METAP1: variants seen among roughly 807,000 people sequenced by gnomAD.
The protein encoded by METAP1 is methionine aminopeptidase 1.
METAP1 carries 28 observed loss-of-function variants against 53.8 expected under a neutral mutation model. The observed-to-expected ratio is 0.52, with a 90% CI of 0.39 to 0.71. The LOEUF (loss-of-function observed/expected upper bound fraction) is 0.71. Ranked by LOEUF, METAP1 falls within the 30% of genes least tolerant of loss-of-function variation. The pLI, the probability that METAP1 is intolerant of heterozygous loss-of-function variation, is 0.00. For synonymous variants in METAP1, 181 were observed against 165.7 expected (o/e 1.09, Z -0.71); for missense variants, 389 against 479.8 (o/e 0.81, Z 1.77).
At chr4:99,012,184 AT>A (rs1039889524) in intron 1 of METAP1, among the ~76,000 whole-genome samples, 3 of 148,756 alleles carry the variant, frequency 2.0e-5, no homozygotes, top group African/African-American at 7.5e-5. Context: ...AATTTCTAAT[AT>A]TTATTATTTC....
At chr4:99,022,768 C>A in intron 1 of METAP1, 1 of 1,602,202 alleles carries the variant, frequency 6.2e-7, no homozygotes, top group Non-Finnish European at 8.5e-7. Flanking sequence ...GTAGACTGGC[C>A]GCCACACTCT....
intron 8 of METAP1, among the ~76,000 whole-genome samples, chr4:99,048,298 C>T (rs1162661558): frequency 3.9e-5 from 6 of 152,170 alleles, no homozygotes; most frequent in Non-Finnish European, 8.8e-5. Context: ...CTCTCTGTGC[C>T]TCATCTGTAA....
chr4:99,057,289 G>A (rs1230202), intron 9 of METAP1, among the ~76,000 whole-genome samples: 120,858 of 152,212 alleles, frequency 0.79, 48,611 homozygotes, highest in East Asian at 0.99. Flanking sequence ...GCACCTGTGT[G>A]CAAACACATG....
At chr4:99,001,175 TATC>T (rs1488738748) in intron 1 of METAP1, among the ~76,000 whole-genome samples, 1 of 152,218 alleles carries the variant, frequency 6.6e-6, no homozygotes, top group Non-Finnish European at 1.5e-5. Context: ...AAGGAGATAT[TATC>T]ATGTTGTGCG....
chr4:99,028,597 T>G (rs1223703571), intron 1 of METAP1, among the ~76,000 whole-genome samples: 1 of 152,230 alleles, frequency 6.6e-6, no homozygotes, highest in Non-Finnish European at 1.5e-5. Context: ...CGTAATAGTT[T>G]GTTGACATAA....
chr4:99,030,455 G>T (rs1445908385), intron 2 of METAP1, among the ~76,000 whole-genome samples: 1 of 152,138 alleles, frequency 6.6e-6, no homozygotes, highest in African/African-American at 2.4e-5. Context: ...GATCTTTTGG[G>T]ATAACTTTTT....
chr4:99,004,769 A>T (rs745409982), intron 1 of METAP1, among the ~76,000 whole-genome samples: 6 of 152,188 alleles, frequency 3.9e-5, no homozygotes, highest in Non-Finnish European at 8.8e-5. Context: ...CAACAAAATG[A>T]TTACATGTAT....
intron 4 of METAP1, 93 bp downstream of exon 4, chr4:99,035,553 A>G: frequency 1.1e-6 from 1 of 894,598 alleles, no homozygotes; most frequent in Non-Finnish European, 1.8e-6. Flanking sequence ...GAAATTTTTC[A>G]GTGCTGGACT....
Position 99,048,831 on chromosome 4 carries a change from A to C in METAP1, c.886A>C (p.Ile296Leu). ...TGTTCGAAGCTATTGTGGGCATGGA[A>C]TCCACAAGCTTTTTCATACAGCTCC... ...SVVRSYCGHG[I>L]HKLFHTAPNV... The change falls in exon 9 of 11, where the codon ATC (isoleucine) becomes CTC (leucine). Residue 296 changes from isoleucine (I) to leucine (L), a missense_variant. Coordinates refer to ENST00000296411, the MANE Select transcript of METAP1 (RefSeq NM_015143.3). The C allele has an allele frequency of 6.2e-7, 1 of 1,614,018 alleles. No homozygotes were observed. Among genetic ancestry groups the C allele is most frequent in the Non-Finnish European group, 8.5e-7 (1 of 1,179,876 alleles).
At chr4:99,013,269 AATAC>A (rs1723574326) in intron 1 of METAP1, among the ~76,000 whole-genome samples, 1 of 152,140 alleles carries the variant, frequency 6.6e-6, no homozygotes, top group African/African-American at 2.4e-5. Context: ...ATTTTCTATA[AATAC>A]ATTTGGAAGA....
intron 6 of METAP1, among the ~76,000 whole-genome samples, chr4:99,042,041 AG>A (rs1332127278): frequency 6.6e-6 from 1 of 151,858 alleles, no homozygotes; most frequent in Non-Finnish European, 1.5e-5. Flanking sequence ...CAACCTCTTG[AG>A]GGTAGGTACT....
chr4:99,022,863 G>A, intron 1 of METAP1: 1 of 1,545,306 alleles, frequency 6.5e-7, no homozygotes, highest in Non-Finnish European at 8.8e-7. Flanking sequence ...CACGGCTGCT[G>A]CTGCCTTCTT....
At chr4:99,026,374 G>A in intron 1 of METAP1, 2 of 985,434 alleles carry the variant, frequency 2.0e-6, no homozygotes, top group African/African-American at 1.7e-5. Flanking sequence ...AAGTACATGT[G>A]ACATGTTAAG....
chr4:99,006,741 A>C (rs956404951), intron 1 of METAP1, among the ~76,000 whole-genome samples: 17 of 152,152 alleles, frequency 1.1e-4, no homozygotes, highest in African/African-American at 4.1e-4. Context: ...GAACCTATCA[A>C]AGCTCACATA....
Position 99,035,324 on chromosome 4 carries a change from T to G in METAP1, c.280-76T>G. Reference sequence around the variant, plus strand: ...ATGCCATTTAAAACTTCTAAAAACTTTTGAATGGACTTCTTTCTCCCCTCG... The same window carrying G: ...ATGCCATTTAAAACTTCTAAAAACTGTTGAATGGACTTCTTTCTCCCCTCG... On this transcript the variant is annotated intron_variant, in intron 3 of 10. Coordinates refer to ENST00000296411, the MANE Select transcript of METAP1 (RefSeq NM_015143.3). The G allele has an allele frequency of 4.7e-6, 5 of 1,055,908 alleles. No individual in the cohort carries two copies. In the South Asian group the frequency reaches 6.9e-5, roughly 14 times the overall value. The allele number at this position is 1,055,908 out of a possible 1,614,324, so 65.4% of individuals were successfully genotyped here. A position where few individuals can be genotyped will look rare whatever the true frequency, so the allele number is the denominator to read the frequency against.
At position 99,028,933 on chromosome 4, in the gene METAP1, A is replaced by T; in HGVS notation, c.166+15A>T. Reference sequence around the variant, plus strand: ...TAAGAAAGCAAGTAAGTACAATCACAAATTTTTACACCATTTGTCTTAGAA... The same window carrying T: ...TAAGAAAGCAAGTAAGTACAATCACTAATTTTTACACCATTTGTCTTAGAA... On this transcript the variant is annotated intron_variant, in intron 2 of 10. Transcript: ENST00000296411. 6.6e-7 allele frequency: 1 copy of T among 1,513,970 alleles called. No homozygotes were observed. Among genetic ancestry groups the T allele is most frequent in the East Asian group, 2.5e-5 (1 of 40,436 alleles). The allele number at this position is 1,513,970 out of a possible 1,614,324, so 93.8% of individuals were successfully genotyped here.
chr4:99,023,782 A>G (rs956898692), intron 1 of METAP1: 5 of 985,042 alleles, frequency 5.1e-6, no homozygotes, highest in Non-Finnish European at 1.2e-6. Context: ...AATTTGATAG[A>G]TACTAAAGTA....
At chr4:99,008,509 A>C (rs886086776) in intron 1 of METAP1, among the ~76,000 whole-genome samples, 2 of 152,178 alleles carry the variant, frequency 1.3e-5, no homozygotes, top group Non-Finnish European at 2.9e-5. Context: ...GCATCCTAAA[A>C]CCAAAGCATT....
At chr4:99,046,936 C>CAAAAAAAAAAAAAAAAAAAAA (rs56702946) in intron 8 of METAP1, among the ~76,000 whole-genome samples, 7 of 82,206 alleles carry the variant, frequency 8.5e-5, no homozygotes, top group South Asian at 5.2e-4. Flanking sequence ...ACTGAAGAAA[C>CAAAAAAAAAAAAAAAAAAAAA]AAAAAAAAAA....
Sources: allele counts gnomAD v4.1 joint callset (sites outside exome capture counted in the v4.1 genomes callset), GRCh38; gene constraint gnomAD v4.1.1; transcripts MANE v1.5; gene names NCBI Gene and HGNC (gene_info 2026-07-23, HGNC 2026-07-21).